Variants in SMAD1 observed in about 807,000 individuals in gnomAD.
The protein encoded by SMAD1 is MAD, mothers against decapentaplegic homolog 1.
A neutral mutation model predicts 41.6 loss-of-function variants in SMAD1; 6 were observed. The observed-to-expected ratio is 0.14, with a 90% CI of 0.08 to 0.28. The LOEUF (loss-of-function observed/expected upper bound fraction) is 0.28. SMAD1 is among the 10% of genes least tolerant of loss of function. The pLI, the probability that SMAD1 is intolerant of heterozygous loss-of-function variation, is 1.00. For synonymous variants in SMAD1, 206 were observed against 203.2 expected (o/e 1.01, Z -0.12); for missense variants, 379 against 582.6 (o/e 0.65, Z 3.60).
chr4:145,546,592 G>T, intron 4 of SMAD1, 111 bp from the exon 5 acceptor site: 1 of 767,866 alleles, frequency 1.3e-6, no homozygotes, highest in South Asian at 1.5e-5. Flanking sequence ...AATAGCAATT[G>T]CTTTTCCAGT....
At chr4:145,549,395 A>G (rs1329175763) in intron 5 of SMAD1, among the ~76,000 whole-genome samples, 2 of 152,224 alleles carry the variant, frequency 1.3e-5, no homozygotes, top group Admixed American at 1.3e-4. Flanking sequence ...TAGTGTATAA[A>G]GATACCTGTC....
At chr4:145,494,774 T>A (rs572864454) in intron 1 of SMAD1, among the ~76,000 whole-genome samples, 1 of 152,358 alleles carries the variant, frequency 6.6e-6, no homozygotes, top group Admixed American at 6.5e-5. Flanking sequence ...TGTGAGTTCA[T>A]TGTAGTTATG....
chr4:145,504,121 C>T (rs184407859), intron 1 of SMAD1: 9 of 152,236 alleles, frequency 5.9e-5, no homozygotes, highest in African/African-American at 1.9e-4. Flanking sequence ...AGGAACTTAA[C>T]TCTTGTTTAT....
intron 6 of SMAD1, among the ~76,000 whole-genome samples, chr4:145,557,256 A>G (rs1486146952): frequency 6.6e-6 from 1 of 152,198 alleles, no homozygotes; most frequent in East Asian, 1.9e-4. Context: ...ATTCATGGCA[A>G]TGGCTAGGTG....
At chr4:145,552,592 A>G (rs2126551528) in intron 5 of SMAD1, among the ~76,000 whole-genome samples, 1 of 152,248 alleles carries the variant, frequency 6.6e-6, no homozygotes, top group African/African-American at 2.4e-5. Context: ...AGTGAGATCT[A>G]ATTTTACACA....
At chr4:145,520,497 A>G (rs1166437260) in intron 2 of SMAD1, among the ~76,000 whole-genome samples, 1 of 150,716 alleles carries the variant, frequency 6.6e-6, no homozygotes, top group Non-Finnish European at 1.5e-5. Context: ...CAAGTCATCA[A>G]GTCCGATTGT....
At chr4:145,481,693 C>T, upstream of SMAD1, 1 of 160,928 alleles carries the variant, frequency 6.2e-6, no homozygotes, top group Non-Finnish European at 1.3e-5. Flanking sequence ...GCCGGCCGGG[C>T]CGGGAATTTG....
At chr4:145,533,595 G>T (rs1458153081) in intron 2 of SMAD1, among the ~76,000 whole-genome samples, 2 of 152,052 alleles carry the variant, frequency 1.3e-5, no homozygotes, top group Admixed American at 1.3e-4. Context: ...GAGGCAGGAG[G>T]ATCGCTTAAG....
At chr4:145,522,363 A>G (rs1730788563) in intron 2 of SMAD1, among the ~76,000 whole-genome samples, 1 of 152,138 alleles carries the variant, frequency 6.6e-6, no homozygotes, top group Non-Finnish European at 1.5e-5. Flanking sequence ...GCACTGTGGG[A>G]GGCCAAGGCG....
chr4:145,521,901 A>T (rs1237272280), intron 2 of SMAD1, among the ~76,000 whole-genome samples: 4 of 88,422 alleles, frequency 4.5e-5, no homozygotes, highest in African/African-American at 2.5e-4. Flanking sequence ...GGTTTTCTGT[A>T]AAAAAAAAAA....
At chr4:145,516,970 G>A (rs548802556) in intron 2 of SMAD1, 2 of 152,242 alleles carry the variant, frequency 1.3e-5, no homozygotes, top group Non-Finnish European at 2.9e-5. Flanking sequence ...AAGACACTAT[G>A]AATATGTCTT....
At chr4:145,520,680 A>G (rs144332725) in intron 2 of SMAD1, among the ~76,000 whole-genome samples, 131 of 152,322 alleles carry the variant, frequency 8.6e-4, no homozygotes, top group African/African-American at 3.0e-3. Context: ...AGTTGTCTTT[A>G]AGTGGGCGGG....
intron 2 of SMAD1, among the ~76,000 whole-genome samples, chr4:145,533,965 G>A (rs776087316): frequency 2.6e-5 from 4 of 152,168 alleles, no homozygotes; most frequent in Non-Finnish European, 4.4e-5. Context: ...TTTGGAGATA[G>A]GGCCTTTAAA....
chr4:145,538,905 A>G (rs180869805), intron 2 of SMAD1, among the ~76,000 whole-genome samples: 147 of 152,250 alleles, frequency 9.7e-4, no homozygotes, highest in Non-Finnish European at 1.7e-3. Flanking sequence ...CTGCCTCTCC[A>G]GGATAATTAT....
intron 3 of SMAD1, among the ~76,000 whole-genome samples, chr4:145,541,481 C>T (rs534110269): frequency 6.6e-6 from 1 of 152,202 alleles, no homozygotes; most frequent in South Asian, 2.1e-4. Flanking sequence ...GAGATAAAGC[C>T]GAGTCAGCCT....
At chr4:145,531,686 T>C (rs1185270679) in intron 2 of SMAD1, among the ~76,000 whole-genome samples, 1 of 152,132 alleles carries the variant, frequency 6.6e-6, no homozygotes, top group Non-Finnish European at 1.5e-5. Flanking sequence ...AGTGATTGGC[T>C]CAAAGTCACA....
At chr4:145,529,715 G>A (rs561947439) in intron 2 of SMAD1, among the ~76,000 whole-genome samples, 7 of 152,278 alleles carry the variant, frequency 4.6e-5, no homozygotes, top group Admixed American at 4.6e-4. Context: ...GTAAGTGAAA[G>A]GGATGATCTC....
At chr4:145,489,425 TA>T (rs1416326930) in intron 1 of SMAD1, among the ~76,000 whole-genome samples, 2 of 152,080 alleles carry the variant, frequency 1.3e-5, no homozygotes, top group Non-Finnish European at 2.9e-5. Flanking sequence ...TGTGAGATGA[TA>T]AATCTCTGGT....
chr4:145,499,108 C>T (rs1019620288), intron 1 of SMAD1, among the ~76,000 whole-genome samples: 1 of 152,152 alleles, frequency 6.6e-6, no homozygotes, highest in African/African-American at 2.4e-5. Flanking sequence ...ATTTTCTGCC[C>T]CATTGCCCAT....
Sources: gnomAD v4.1 joint callset for allele counts (sites outside exome capture counted in the v4.1 genomes callset) on GRCh38, gnomAD v4.1.1 for gene constraint, MANE v1.5 for transcripts, NCBI Gene and HGNC (gene_info 2026-07-23, HGNC 2026-07-21) for gene names.